The following SLC16A2 variants were observed in gnomAD, a reference collection of about 807,000 sequenced individuals.
The protein encoded by SLC16A2 is solute carrier family 16 member 2.
In SLC16A2, 3 loss-of-function variants were observed where a neutral mutation model predicts 27.2. The ratio of observed to expected loss-of-function variants is 0.11; its 90% confidence interval spans 0.05 to 0.28. The LOEUF (loss-of-function observed/expected upper bound fraction) is 0.28. Ranked by LOEUF, SLC16A2 falls within the 10% of genes least tolerant of loss-of-function variation. The pLI, the probability that SLC16A2 is intolerant of heterozygous loss-of-function variation, is 1.00. For synonymous variants in SLC16A2, 202 were observed against 187.8 expected (o/e 1.08, Z -0.62); for missense variants, 295 against 458.5 (o/e 0.64, Z 3.26).
At chrX:74,483,820 T>C (rs1204464653) in intron 1 of SLC16A2, among the ~76,000 whole-genome samples, 1 of 111,339 alleles carries the variant, frequency 9.0e-6, no homozygotes, top group Non-Finnish European at 1.9e-5. Context: ...TGATCAGAGA[T>C]ACAGTATTAT....
intron 1 of SLC16A2, among the ~76,000 whole-genome samples, chrX:74,479,549 A>G (rs1240403911): frequency 8.9e-5 from 10 of 112,226 alleles, no homozygotes; most frequent in African/African-American, 2.9e-4. Context: ...CTTCGGAGGA[A>G]GAGAGGCGCT....
chrX:74,510,599 CAGTT>C (rs1930211931), intron 1 of SLC16A2, among the ~76,000 whole-genome samples: 1 of 109,167 alleles, frequency 9.2e-6, no homozygotes, highest in African/African-American at 3.3e-5. Flanking sequence ...GACTCTGTCT[CAGTT>C]TGACTCTCTG....
At chrX:74,474,759 T>C (rs1602121344) in intron 1 of SLC16A2, among the ~76,000 whole-genome samples, 1 of 110,946 alleles carries the variant, frequency 9.0e-6, no homozygotes, top group Non-Finnish European at 1.9e-5. Context: ...GATAGTTTGC[T>C]GAGAATGATG....
At chrX:74,427,637 G>C (rs1251308652) in intron 1 of SLC16A2, among the ~76,000 whole-genome samples, 5 of 111,598 alleles carry the variant, frequency 4.5e-5, no homozygotes, top group Non-Finnish European at 9.4e-5. Flanking sequence ...TGGTTTTGTT[G>C]CATTTTGAAA....
At chrX:74,479,169 G>A in intron 1 of SLC16A2, among the ~76,000 whole-genome samples, 1 of 111,718 alleles carries the variant, frequency 9.0e-6, no homozygotes, top group Non-Finnish European at 1.9e-5. Context: ...ATTTCTTGGA[G>A]GCTTTGTTCA....
At chrX:74,519,912 A>C (rs988625383) in intron 1 of SLC16A2, among the ~76,000 whole-genome samples, 1 of 110,749 alleles carries the variant, frequency 9.0e-6, no homozygotes. Context: ...TGTGATAAAA[A>C]GTTAAGGTCT....
intron 1 of SLC16A2, among the ~76,000 whole-genome samples, chrX:74,437,379 T>A (rs927680976): frequency 1.2e-4 from 14 of 112,208 alleles, no homozygotes; most frequent in African/African-American, 4.5e-4. Context: ...GACGAGGAGA[T>A]CAAGCTCCTT....
chrX:74,457,317 T>C (rs770353004), intron 1 of SLC16A2, among the ~76,000 whole-genome samples: 8 of 111,501 alleles, frequency 7.2e-5, no homozygotes, highest in Non-Finnish European at 1.5e-4. Context: ...ACAGTCAAGA[T>C]CAAGGATCAC....
At position 74,478,316 on chromosome X, in the gene SLC16A2, C is replaced by CT. The variant is rs776745771; in HGVS notation, c.431-42666dup. Among the ~76,000 whole-genome samples the CT allele has an allele frequency of 4.6e-3, 514 of 110,715 alleles. 2 individuals carry two copies. The highest frequency in any genetic ancestry group is 0.016 in the African/African-American group (484 of 30,472). ...CAGAGACCAGGATTGCAACCCCTGCCTTTTTTTTGTTTTCCATTTGCTTGG... is the reference window on the plus strand; with the variant it reads ...CAGAGACCAGGATTGCAACCCCTGCCTTTTTTTTTGTTTTCCATTTGCTTGG... On this transcript the variant is annotated intron_variant, in intron 1 of 5. Coordinates refer to ENST00000587091, the MANE Select transcript of SLC16A2 (RefSeq NM_006517.5).
Position 74,529,395 on chromosome X carries a change from C to A in SLC16A2, c.1353C>A (p.Leu451=). 8.4e-7 allele frequency: 1 copy of A among 1,194,742 alleles called. No individual in the cohort carries two copies. Among genetic ancestry groups the A allele is most frequent in the Non-Finnish European group, 1.1e-6 (1 of 886,098 alleles). The change falls in exon 5 of 6, where the codon CTC becomes CTA. Residue 451 remains leucine (L), a synonymous_variant. Coordinates refer to ENST00000587091, the MANE Select transcript of SLC16A2 (RefSeq NM_006517.5). ...PMQASQAIGY[L]LGMMALPMIA... is the part of the protein sequence containing the mutation. ...AGGCCTCACAGGCCATTGGCTACCT[C>A]CTGGGCATGATGGCCCTGCCAATGA... is the stretch of plus-strand genomic sequence containing the variant.
chrX:74,478,890 G>T (rs1929549818), intron 1 of SLC16A2, among the ~76,000 whole-genome samples: 1 of 111,562 alleles, frequency 9.0e-6, no homozygotes, highest in Non-Finnish European at 1.9e-5. Context: ...TGGGTAACCC[G>T]ACCTTTCTCT....
At chrX:74,487,279 C>T (rs1427442625) in intron 1 of SLC16A2, among the ~76,000 whole-genome samples, 1 of 110,838 alleles carries the variant, frequency 9.0e-6, no homozygotes, top group Non-Finnish European at 1.9e-5. Context: ...TCAAATTTAA[C>T]ATGACCTGGG....
chrX:74,505,751 A>C (rs1161841285), intron 1 of SLC16A2, among the ~76,000 whole-genome samples: 2 of 112,166 alleles, frequency 1.8e-5, no homozygotes, highest in Non-Finnish European at 3.8e-5. Flanking sequence ...GTTAAACTAC[A>C]GTGTAGGGAG....
chrX:74,434,998 A>ATT (rs373253163), intron 1 of SLC16A2, among the ~76,000 whole-genome samples: 11 of 96,055 alleles, frequency 1.1e-4, no homozygotes, highest in African/African-American at 1.9e-4. Flanking sequence ...TAATTTTTGT[A>ATT]TTTTTTTTTT....
At chrX:74,467,037 A>T (rs772435148) in intron 1 of SLC16A2, among the ~76,000 whole-genome samples, 1 of 109,862 alleles carries the variant, frequency 9.1e-6, no homozygotes, top group African/African-American at 3.3e-5. Context: ...CTTGAGCACC[A>T]TGTCACCATA....
At chrX:74,475,557 T>C (rs1929457789) in intron 1 of SLC16A2, among the ~76,000 whole-genome samples, 1 of 111,503 alleles carries the variant, frequency 9.0e-6, no homozygotes, top group Non-Finnish European at 1.9e-5. Flanking sequence ...TCCTTGCCCA[T>C]GCCTGTGTCC....
intron 1 of SLC16A2, among the ~76,000 whole-genome samples, chrX:74,428,357 CT>C (rs1928457588): frequency 9.0e-6 from 1 of 111,562 alleles, no homozygotes; most frequent in Non-Finnish European, 1.9e-5. Flanking sequence ...TTATCCTCAA[CT>C]TCGCTCCAGT....
chrX:74,480,288 C>T (rs1219434380), intron 1 of SLC16A2, among the ~76,000 whole-genome samples: 4 of 112,550 alleles, frequency 3.6e-5, no homozygotes, highest in African/African-American at 1.3e-4. Context: ...CAGCCATGCA[C>T]GGGATATAAT....
intron 1 of SLC16A2, among the ~76,000 whole-genome samples, chrX:74,480,383 C>A (rs1929590700): frequency 8.9e-6 from 1 of 112,665 alleles, no homozygotes; most frequent in Non-Finnish European, 1.9e-5. Flanking sequence ...CCATCCGTTA[C>A]CCCTTTCCTT....
Sources: gnomAD v4.1 joint callset for allele counts (sites outside exome capture counted in the v4.1 genomes callset) on GRCh38, gnomAD v4.1.1 for gene constraint, MANE v1.5 for transcripts, NCBI Gene and HGNC (gene_info 2026-07-23, HGNC 2026-07-21) for gene names.